The following TSPAN9 variants were observed in gnomAD, a reference collection of about 807,000 sequenced individuals.
TSPAN9 encodes the protein tetraspanin 9, also known as tetraspanin-9.
In TSPAN9, 16 loss-of-function variants were observed where a neutral mutation model predicts 31.0. The ratio of observed to expected loss-of-function variants is 0.52; its 90% CI spans 0.35 to 0.78. The LOEUF is 0.78. TSPAN9 is among the 30% of genes least tolerant of loss of function. The probability of loss-of-function intolerance (pLI) is 0.01; values close to 1 mark genes in which losing one functional copy is unlikely to be tolerated. For synonymous variants in TSPAN9, 145 were observed against 121.6 expected, an observed-to-expected ratio of 1.19 and a Z score of -1.27; for missense variants, 272 against 312.5, an observed-to-expected ratio of 0.87 and a Z score of 0.98.
At chr12:3,095,651 C>T (rs1487132111) in intron 2 of TSPAN9, among the ~76,000 whole-genome samples, 3 of 145,462 alleles carry the variant, frequency 2.1e-5, no homozygotes, top group East Asian at 2.1e-4. Context: ...ACCTCCCTCC[C>T]GGACGGGGCG....
chr12:3,268,513 T>C (rs866270070), intron 3 of TSPAN9, among the ~76,000 whole-genome samples: 38 of 100,958 alleles, frequency 3.8e-4, no homozygotes, highest in South Asian at 1.6e-3. Context: ...GCCTGCCCTC[T>C]CTGTGTTCCT....
At chr12:3,175,505 C>T (rs2098355039) in intron 2 of TSPAN9, among the ~76,000 whole-genome samples, 1 of 152,226 alleles carries the variant, frequency 6.6e-6, no homozygotes, top group African/African-American at 2.4e-5. Context: ...CTTCCCATCT[C>T]TCTGGGTTCA....
intron 3 of TSPAN9, among the ~76,000 whole-genome samples, chr12:3,264,698 G>A (rs1862511030): frequency 6.6e-6 from 1 of 152,226 alleles, no homozygotes; most frequent in South Asian, 2.1e-4. Context: ...AGGGAAGGAT[G>A]GCTGCAGGCT....
chr12:3,174,687 A>G (rs1385389412), intron 2 of TSPAN9, among the ~76,000 whole-genome samples: 2 of 151,722 alleles, frequency 1.3e-5, no homozygotes, highest in Non-Finnish European at 2.9e-5. Context: ...GGTTCGCGCC[A>G]TTCTCCTGCC....
At chr12:3,132,942 G>T (rs2153967115) in intron 2 of TSPAN9, among the ~76,000 whole-genome samples, 1 of 152,298 alleles carries the variant, frequency 6.6e-6, no homozygotes, top group South Asian at 2.1e-4. Context: ...GAAGCGGTCA[G>T]GTCCTGCCTC....
chr12:3,106,486 G>T (rs983431665), intron 2 of TSPAN9, among the ~76,000 whole-genome samples: 1 of 152,170 alleles, frequency 6.6e-6, no homozygotes, highest in African/African-American at 2.4e-5. Flanking sequence ...AAAGAAAGAT[G>T]GGACTGGGCC....
At chr12:3,207,741 G>A (rs897948259) in intron 3 of TSPAN9, among the ~76,000 whole-genome samples, 3 of 152,086 alleles carry the variant, frequency 2.0e-5, no homozygotes, top group African/African-American at 4.8e-5. Flanking sequence ...AGCTCACTGC[G>A]TCAGGACCAC....
chr12:3,086,164 ACT>A (rs1228684335), intron 2 of TSPAN9, among the ~76,000 whole-genome samples: 1 of 151,980 alleles, frequency 6.6e-6, no homozygotes, highest in Admixed American at 6.6e-5. Context: ...TAGCTTCCAA[ACT>A]CTCTCCTTGC....
intron 3 of TSPAN9, among the ~76,000 whole-genome samples, chr12:3,273,750 T>G (rs968149351): frequency 6.6e-6 from 1 of 152,122 alleles, no homozygotes; most frequent in Non-Finnish European, 1.5e-5. Flanking sequence ...CTGCACTGGC[T>G]TCAGAGGTCA....
intron 3 of TSPAN9, among the ~76,000 whole-genome samples, chr12:3,255,864 G>A (rs376743301): frequency 1.3e-5 from 2 of 152,222 alleles, no homozygotes; most frequent in East Asian, 1.9e-4. Context: ...TGGTAGAGAC[G>A]TAGATCGTGT....
At chr12:3,193,937 C>T (rs1042666699) in intron 2 of TSPAN9, among the ~76,000 whole-genome samples, 2 of 152,198 alleles carry the variant, frequency 1.3e-5, no homozygotes. Flanking sequence ...ATGGCATTTG[C>T]ACTCTTATCT....
At chr12:3,279,206 G>A in intron 5 of TSPAN9, 140 bp downstream of exon 5, 1 of 796,524 alleles carries the variant, frequency 1.3e-6, no homozygotes, top group East Asian at 2.5e-5. Flanking sequence ...GGAACCAAGG[G>A]TTGGGAAAGC....
chr12:3,149,548 A>G (rs2153968462), intron 2 of TSPAN9, among the ~76,000 whole-genome samples: 1 of 152,320 alleles, frequency 6.6e-6, no homozygotes, highest in Non-Finnish European at 1.5e-5. Flanking sequence ...AAGCATTGCC[A>G]CCTGTCTCAG....
intron 2 of TSPAN9, among the ~76,000 whole-genome samples, chr12:3,149,176 A>G (rs1443499119): frequency 6.6e-6 from 1 of 152,228 alleles, no homozygotes; most frequent in African/African-American, 2.4e-5. Flanking sequence ...GTGAATGAAT[A>G]AATGAAGGGC....
At chr12:3,261,396 C>G (rs1475764627) in intron 3 of TSPAN9, among the ~76,000 whole-genome samples, 2 of 152,158 alleles carry the variant, frequency 1.3e-5, no homozygotes, top group African/African-American at 4.8e-5. Flanking sequence ...CTGAGGTCAG[C>G]TCACCCAGAG....
intron 3 of TSPAN9, among the ~76,000 whole-genome samples, chr12:3,221,360 CTTTT>C (rs61424013): frequency 7.1e-6 from 1 of 141,310 alleles, no homozygotes; most frequent in Admixed American, 7.1e-5. Flanking sequence ...ATATTTTTCT[CTTTT>C]TTTTTTTTTT....
At chr12:3,139,928 C>G (rs1471725066) in intron 2 of TSPAN9, among the ~76,000 whole-genome samples, 5 of 152,322 alleles carry the variant, frequency 3.3e-5, no homozygotes, top group African/African-American at 1.2e-4. Context: ...GCCGTTGCAC[C>G]CACGTGGCCT....
chr12:3,243,604 G>T (rs936445302), intron 3 of TSPAN9, among the ~76,000 whole-genome samples: 3 of 152,174 alleles, frequency 2.0e-5, no homozygotes, highest in Non-Finnish European at 4.4e-5. Context: ...AGCTTCAGTC[G>T]TGGGGACCGA....
At chr12:3,109,299 T>TGTGAGAGAGAGAGAGA (rs1274383200) in intron 2 of TSPAN9, among the ~76,000 whole-genome samples, 4 of 118,352 alleles carry the variant, frequency 3.4e-5, no homozygotes, top group East Asian at 2.4e-4. Flanking sequence ...TGTGTGTGTG[T>TGTGAGAGAGAGAGAGA]GAGAGAGAGT....
Sources: gnomAD v4.1 joint callset for allele counts (sites outside exome capture counted in the v4.1 genomes callset) on GRCh38, gnomAD v4.1.1 for gene constraint, MANE v1.5 for transcripts, NCBI Gene and HGNC (gene_info 2026-07-23, HGNC 2026-07-21) for gene names.